The following AGT variants were observed in gnomAD, a reference collection of about 807,000 sequenced individuals.
The protein encoded by AGT is alpha-1 antiproteinase, antitrypsin.
In AGT, 26 loss-of-function variants were observed where a neutral mutation model predicts 28.1. The observed-to-expected ratio is 0.92, with a 90% CI of 0.68 to 1.28. The LOEUF (loss-of-function observed/expected upper bound fraction) is 1.28. Among genes scored for constraint, AGT ranks in the 50% most tolerant of loss-of-function variants. The pLI, the probability that AGT is intolerant of heterozygous loss-of-function variation, is 0.00. For synonymous variants in AGT, 259 were observed against 259.6 expected (o/e 1.00, Z 0.02); for missense variants, 596 against 592.3 (o/e 1.01, Z -0.06).
intron 1 of AGT, among the ~76,000 whole-genome samples, chr1:230,720,473 G>A (rs2102797785): frequency 6.6e-6 from 1 of 151,736 alleles, no homozygotes; most frequent in South Asian, 2.1e-4. Context: ...TCCTACTAAG[G>A]GCAGGAGGAG....
At chr1:230,718,884 C>A (rs913004810), upstream of AGT, among the ~76,000 whole-genome samples, 1 of 151,986 alleles carries the variant, frequency 6.6e-6, no homozygotes, top group Non-Finnish European at 1.5e-5. Flanking sequence ...TGCCATGACA[C>A]CTGGCCAACT....
chr1:230,736,872 G>A (rs1332738655), intron 1 of AGT, among the ~76,000 whole-genome samples: 1 of 152,158 alleles, frequency 6.6e-6, no homozygotes, highest in African/African-American at 2.4e-5. Flanking sequence ...TCCCTTTTCA[G>A]CACCTGGATC....
At chr1:230,735,861 G>T (rs967191321) in intron 1 of AGT, among the ~76,000 whole-genome samples, 2 of 152,106 alleles carry the variant, frequency 1.3e-5, no homozygotes, top group African/African-American at 2.4e-5. Context: ...GTCTATCATG[G>T]TCTTCCTGCC....
intron 1 of AGT, among the ~76,000 whole-genome samples, chr1:230,744,398 TGGAG>T (rs1664303622): frequency 1.3e-5 from 2 of 152,198 alleles, no homozygotes; most frequent in Admixed American, 1.3e-4. Context: ...GACAAAGTCA[TGGAG>T]AAGTCCGGTG....
chr1:230,729,366 G>A (rs1664008161), intron 1 of AGT, among the ~76,000 whole-genome samples: 1 of 152,218 alleles, frequency 6.6e-6, no homozygotes, highest in Non-Finnish European at 1.5e-5. Context: ...TTGAAAATGG[G>A]GGAAGAGGTT....
chr1:230,706,146 T>C lies in AGT; in HGVS notation c.884A>G (p.Asn295Ser). The C allele has an allele frequency of 1.2e-6, 2 of 1,613,988 alleles. No homozygotes were observed. Among genetic ancestry groups the C allele is most frequent in the African/African-American group, 1.3e-5 (1 of 74,990 alleles). The change falls in exon 3 of 5, where the codon AAC becomes AGC. Residue 295 changes from asparagine (N) to serine (S), a missense_variant. Coordinates refer to ENST00000366667, the MANE Select transcript of AGT (RefSeq NM_001384479.1). ...CATGGGAACAGACACTGAGGTGCTGTTGTCCACCCAGAACTCCTGGGGCTC... is the reference window on the plus strand; with the variant it reads ...CATGGGAACAGACACTGAGGTGCTGCTGTCCACCCAGAACTCCTGGGGCTC... Reference protein sequence around the residue: ...LAEPQEFWVDNSTSVSVPMLS... With the variant: ...LAEPQEFWVDSSTSVSVPMLS...
At chr1:230,714,394 C>T (rs1281953255), upstream of AGT, 1 of 152,356 alleles carries the variant, frequency 6.6e-6, no homozygotes, top group East Asian at 1.9e-4. Context: ...GCCAAGGTTC[C>T]CAGAAACGGG....
At chr1:230,705,892 G>A (rs775681269) in intron 3 of AGT, 41 bp downstream of exon 3, 8 of 1,611,140 alleles carry the variant, frequency 5.0e-6, no homozygotes, top group Non-Finnish European at 5.9e-6. Flanking sequence ...GGGCAGGACA[G>A]TGTGGCTCCC....
chr1:230,716,731 C>T (rs1026260957), upstream of AGT, among the ~76,000 whole-genome samples: 1 of 152,162 alleles, frequency 6.6e-6, no homozygotes, highest in East Asian at 1.9e-4. Context: ...TCCCCAGCCA[C>T]GTGGAACACA....
At chr1:230,718,722 C>CT (rs1228887131), upstream of AGT, among the ~76,000 whole-genome samples, 7,483 of 118,320 alleles carry the variant, frequency 0.063, 493 homozygotes, top group Middle Eastern at 0.095. Context: ...TTCCACACCG[C>CT]TTTTTTTTTT....
chr1:230,743,467 C>T (rs528283702), intron 1 of AGT, among the ~76,000 whole-genome samples: 20 of 152,340 alleles, frequency 1.3e-4, no homozygotes, highest in Non-Finnish European at 2.6e-4. Context: ...CTGTCCCTTC[C>T]TGCCTTCACT....
rs947766185 is a variant in AGT, at chr1:230,710,976, T to A, written c.-30-123A>T. On this transcript the variant is annotated intron_variant, in intron 1 of 4. Transcript: ENST00000366667. ...ATTTAGCCCAGAATAAATCCATTCA[T>A]GTCTACAAAAAAAAGAAGAAATGGA... The A allele has an allele frequency of 2.4e-6, 3 of 1,272,430 alleles. No homozygotes were observed. In the Admixed American group the frequency reaches 6.8e-5, roughly 29 times the overall value. 78.8% of individuals were successfully genotyped at this position (1,272,430 alleles called of 1,614,324 possible).
chr1:230,730,020 G>T (rs961537614), intron 1 of AGT, among the ~76,000 whole-genome samples: 4 of 152,014 alleles, frequency 2.6e-5, no homozygotes, highest in Non-Finnish European at 5.9e-5. Context: ...GATTAGCCAG[G>T]CGTGGTGGTG....
chr1:230,704,153 T>G (rs138574065), intron 4 of AGT, 40 bp downstream of exon 4: 3 of 1,613,942 alleles, frequency 1.9e-6, no homozygotes, highest in African/African-American at 2.7e-5. Context: ...CTGTGCACAC[T>G]TGGAACCCAG....
chr1:230,741,228 G>A (rs1404936321), intron 1 of AGT, among the ~76,000 whole-genome samples: 1 of 152,224 alleles, frequency 6.6e-6, no homozygotes, highest in Non-Finnish European at 1.5e-5. Context: ...TGTCACCTTA[G>A]GCCATAGGGG....
At chr1:230,736,788 C>G (rs1664164238) in intron 1 of AGT, among the ~76,000 whole-genome samples, 1 of 152,172 alleles carries the variant, frequency 6.6e-6, no homozygotes, top group Admixed American at 6.5e-5. Flanking sequence ...TCCTGCTAGG[C>G]TGGGCTTCGA....
intron 2 of AGT, among the ~76,000 whole-genome samples, chr1:230,708,240 C>T (rs1369550966): frequency 1.3e-5 from 2 of 152,210 alleles, no homozygotes; most frequent in African/African-American, 4.8e-5. Context: ...TCTTCCTCCT[C>T]TTCCTCCTGG....
chr1:230,736,312 G>A lies in AGT; in HGVS notation c.-31+9203C>T, dbSNP rs111752182. ...GCTGAGGTGGGCAGATCATGAGGTC[G>A]GGAGATTGAGACCATCCTGGCTAAC... On this transcript the variant is annotated intron_variant, in intron 1 of 4. Transcript: ENST00000681269. 1.6e-3 allele frequency among the ~76,000 whole-genome samples: 243 copies of A among 151,944 alleles called. 3 individuals carry two copies. The highest frequency in any genetic ancestry group is 5.7e-3 in the African/African-American group (235 of 41,416).
chr1:230,725,933 A>C (rs569828054), intron 1 of AGT, among the ~76,000 whole-genome samples: 1 of 151,642 alleles, frequency 6.6e-6, no homozygotes, highest in Non-Finnish European at 1.5e-5. Context: ...TCATGAAGAG[A>C]AGTGCCCACA....
Sources: gnomAD v4.1 joint callset for allele counts (sites outside exome capture counted in the v4.1 genomes callset) on GRCh38, gnomAD v4.1.1 for gene constraint, MANE v1.5 for transcripts, NCBI Gene and HGNC (gene_info 2026-07-23, HGNC 2026-07-21) for gene names.